The following RHOBTB2 variants were observed in gnomAD, a reference collection of about 807,000 sequenced individuals.
RHOBTB2 encodes Rho related BTB domain containing 2.
In RHOBTB2, 39 loss-of-function variants were observed where a neutral mutation model predicts 66.5. That is an observed-to-expected ratio of 0.59 (90% CI 0.45 to 0.77). The LOEUF (loss-of-function observed/expected upper bound fraction) is 0.77, where lower values mean the gene tolerates loss of function less well. Ranked by LOEUF, RHOBTB2 falls within the 30% of genes least tolerant of loss-of-function variation. The probability of loss-of-function intolerance (pLI) is 0.00; values close to 1 mark genes in which losing one functional copy is unlikely to be tolerated. For synonymous variants in RHOBTB2, 390 were observed against 395.0 expected (o/e 0.99, Z 0.15); for missense variants, 755 against 999.1 (o/e 0.76, Z 3.29).
At chr8:22,951,947 T>G in the RHOBTB2 span, among the ~76,000 whole-genome samples, 1 of 152,160 alleles carries the variant, frequency 6.6e-6, no homozygotes, top group Admixed American at 6.5e-5. Flanking sequence ...TCTCAAACTT[T>G]TGACCTCAAG....
the RHOBTB2 span, among the ~76,000 whole-genome samples, chr8:22,957,479 AC>A: frequency 6.6e-6 from 1 of 152,206 alleles, no homozygotes; most frequent in Admixed American, 6.5e-5. Context: ...TACTCAGCTG[AC>A]AAAGGGCACT....
At chr8:22,993,482 G>A (rs576848149) in intron 2 of RHOBTB2, among the ~76,000 whole-genome samples, 2 of 152,324 alleles carry the variant, frequency 1.3e-5, no homozygotes, top group South Asian at 4.1e-4. Flanking sequence ...GGCACAAGTG[G>A]AGAAGGAGTT....
the RHOBTB2 span, among the ~76,000 whole-genome samples, chr8:22,963,785 AT>A: frequency 6.6e-6 from 1 of 151,406 alleles, no homozygotes; most frequent in Non-Finnish European, 1.5e-5. Flanking sequence ...TTATATTATT[AT>A]TATTATTATT....
the RHOBTB2 span, among the ~76,000 whole-genome samples, chr8:22,952,882 G>A: frequency 6.6e-6 from 1 of 152,104 alleles, no homozygotes; most frequent in Non-Finnish European, 1.5e-5. Context: ...TCCAGCCTGG[G>A]CAACAAGAGT....
At chr8:22,965,208 C>G in the RHOBTB2 span, among the ~76,000 whole-genome samples, 1 of 152,100 alleles carries the variant, frequency 6.6e-6, no homozygotes, top group Non-Finnish European at 1.5e-5. Flanking sequence ...TTGCTATAGA[C>G]TAACCCAAAT....
chr8:22,955,672 G>C, the RHOBTB2 span, among the ~76,000 whole-genome samples: 1 of 148,840 alleles, frequency 6.7e-6, no homozygotes, highest in East Asian at 2.0e-4. Context: ...TAGGCTCAAA[G>C]GATCCTCCCA....
chr8:22,972,937 C>T, the RHOBTB2 span, among the ~76,000 whole-genome samples: 1 of 152,218 alleles, frequency 6.6e-6, no homozygotes, highest in African/African-American at 2.4e-5. Flanking sequence ...GCGATGGGTG[C>T]AGTTTCCCGG....
chr8:23,002,956 G>T (rs1188028815), intron 1 of RHOBTB2, among the ~76,000 whole-genome samples: 1 of 152,222 alleles, frequency 6.6e-6, no homozygotes, highest in Non-Finnish European at 1.5e-5. Context: ...ATCCCTGCAT[G>T]CTGGCATCCA....
chr8:22,985,956 G>A (rs1050584492), upstream of RHOBTB2, among the ~76,000 whole-genome samples: 22 of 152,194 alleles, frequency 1.4e-4, no homozygotes, highest in Admixed American at 1.3e-4. Flanking sequence ...GCTAGCAGGC[G>A]CAGGAGCAAG....
At chr8:22,977,255 A>G in the RHOBTB2 span, among the ~76,000 whole-genome samples, 2 of 152,192 alleles carry the variant, frequency 1.3e-5, no homozygotes, top group Non-Finnish European at 2.9e-5. Flanking sequence ...AGCACCCAGC[A>G]CTTTCCTGGA....
chr8:22,993,745 T>G (rs1342232154), intron 2 of RHOBTB2, among the ~76,000 whole-genome samples: 1 of 152,314 alleles, frequency 6.6e-6, no homozygotes, highest in East Asian at 1.9e-4. Context: ...GTCACAGAAG[T>G]GCCCTTCCAT....
At position 23,004,957 on chromosome 8, in the gene RHOBTB2, G is replaced by C; in HGVS notation, c.192+331G>C. 2.3e-6 allele frequency: 1 copy of C among 433,066 alleles called. No homozygotes were observed. Among genetic ancestry groups the C allele is most frequent in the Non-Finnish European group, 4.3e-6 (1 of 235,256 alleles). 26.8% of individuals were successfully genotyped at this position (433,066 alleles called of 1,614,324 possible). A position where few individuals can be genotyped will look rare whatever the true frequency, so the allele number is the denominator to read the frequency against. ...GGCTTGGAAGAGATACAAGCTGAGA[G>C]GAGCAAAGAAGCTGGCAGCTGATAG... On this transcript the variant is annotated intron_variant, in intron 2 of 9. Transcript: ENST00000251822. The surrounding 1 kb of genome is among the most constrained non-coding windows in gnomAD (Gnocchi z 6.4).
the RHOBTB2 span, among the ~76,000 whole-genome samples, chr8:22,978,587 A>C: frequency 6.9e-6 from 1 of 144,786 alleles, no homozygotes; most frequent in Non-Finnish European, 1.5e-5. Context: ...TTTTTTTTTT[A>C]GTTTTTTTTA....
intron 7 of RHOBTB2, among the ~76,000 whole-genome samples, chr8:23,013,984 C>T (rs1811218979): frequency 1.3e-5 from 2 of 152,166 alleles, no homozygotes; most frequent in Admixed American, 6.5e-5. Flanking sequence ...GTTCTGTGCC[C>T]CAGACCTGGA....
At chr8:22,991,942 C>A (rs1810435609) in intron 1 of RHOBTB2, 1 of 152,218 alleles carries the variant, frequency 6.6e-6, no homozygotes, top group Non-Finnish European at 1.5e-5. Flanking sequence ...ACTGAGTCTT[C>A]CAAGTGTTTA....
At chr8:22,986,531 T>C (rs886766214), upstream of RHOBTB2, among the ~76,000 whole-genome samples, 2 of 152,024 alleles carry the variant, frequency 1.3e-5, no homozygotes, top group African/African-American at 2.4e-5. Flanking sequence ...AGTGCTGGGA[T>C]TACAGGCATG....
At chr8:23,000,228 C>A in intron 1 of RHOBTB2, 123 bp downstream of exon 1, 2 of 629,938 alleles carry the variant, frequency 3.2e-6, no homozygotes, top group Non-Finnish European at 4.0e-6. Flanking sequence ...AGTCCCTGGG[C>A]TCTGGCTTCG....
At chr8:22,996,187 G>T (rs1472676564), upstream of RHOBTB2, among the ~76,000 whole-genome samples, 1 of 152,208 alleles carries the variant, frequency 6.6e-6, no homozygotes, top group Non-Finnish European at 1.5e-5. Flanking sequence ...AGGCATAGAG[G>T]GGGTGCCTTC....
the RHOBTB2 span, among the ~76,000 whole-genome samples, chr8:22,979,783 GAGTCTC>G: frequency 8.7e-6 from 1 of 115,034 alleles, no homozygotes; most frequent in African/African-American, 3.5e-5. Flanking sequence ...CTCTGTGACA[GAGTCTC>G]ACTCTGTCAC....
Sources: gnomAD v4.1 joint callset for allele counts (sites outside exome capture counted in the v4.1 genomes callset) on GRCh38, gnomAD v4.1.1 for gene constraint, Gnocchi (gnomAD v3.1) non-coding constraint, MANE v1.5 for transcripts, NCBI Gene and HGNC (gene_info 2026-07-23, HGNC 2026-07-21) for gene names.